METTL8: variants seen among roughly 807,000 people sequenced by gnomAD.
METTL8 encodes the protein tRNA N(3)-cytidine methyltransferase METTL8, mitochondrial.
Under a neutral mutation model 48.7 loss-of-function variants are expected in METTL8, and 32 were observed. That is an observed-to-expected ratio of 0.66 (90% CI 0.50 to 0.88). The LOEUF (loss-of-function observed/expected upper bound fraction) is 0.88, where lower values mean the gene tolerates loss of function less well. METTL8 is among the 40% of genes least tolerant of loss of function. METTL8 has a pLI of 0.00. For synonymous variants in METTL8, 136 were observed against 157.1 expected (o/e 0.87, Z 1.01); for missense variants, 464 against 474.4 (o/e 0.98, Z 0.20).
At position 171,337,503 on chromosome 2, in the gene METTL8, C is replaced by A. The variant is rs774820225; in HGVS notation, c.607-1G>T. The A allele has an allele frequency of 6.2e-7, 1 of 1,603,370 alleles. No homozygotes were observed. On this transcript the variant is annotated splice_acceptor_variant, in intron 4 of 9. Coordinates refer to ENST00000375258, the MANE Select transcript of METTL8 (RefSeq NM_001321154.2). LOFTEE classifies it high-confidence loss of function. ...CACTATTTCCAGCTCCACAACCAAC[C>A]TAAAATCAAAAGAACAAGCAAATAT...
intron 3 of METTL8, among the ~76,000 whole-genome samples, chr2:171,347,523 C>A (rs1317458969): frequency 6.6e-6 from 1 of 152,050 alleles, no homozygotes; most frequent in African/African-American, 2.4e-5. Flanking sequence ...TGGAAATATT[C>A]AAAATAGGGC....
In METTL8 at chr2:171,415,355, T is replaced by C. The variant is rs1691204844; in HGVS notation, c.-13+18528A>G. ...TCTTAATATATCTCGAAATCTTTTTTTTTTTTTTTTTTTTTTTGACAGAGT... is the reference window on the plus strand; with the variant it reads ...TCTTAATATATCTCGAAATCTTTTTCTTTTTTTTTTTTTTTTTGACAGAGT... On this transcript the variant is annotated intron_variant, in intron 1 of 9. Coordinates refer to ENST00000375258, the MANE Select transcript of METTL8 (RefSeq NM_001321154.2). 5.8e-5 allele frequency among the ~76,000 whole-genome samples: 8 copies of C among 138,554 alleles called. No homozygotes were observed. In the South Asian group the frequency reaches 1.6e-3, roughly 28 times the overall value. The allele number at this position is 138,554 out of a possible 152,430, so 90.9% of individuals were successfully genotyped here.
upstream of METTL8, chr2:171,434,389 G>C (rs1025788507): frequency 1.0e-6 from 1 of 977,310 alleles, no homozygotes; most frequent in Non-Finnish European, 1.6e-6. Flanking sequence ...CTCTGGCGGT[G>C]CAAGCGGCTC....
intron 2 of METTL8, among the ~76,000 whole-genome samples, chr2:171,367,591 G>C (rs138630173): frequency 1.8e-4 from 27 of 152,254 alleles, no homozygotes; most frequent in African/African-American, 6.5e-4. Flanking sequence ...GTGAAAAAAA[G>C]AGACCAGAAG....
At position 171,380,288 on chromosome 2, in the gene METTL8, T is replaced by C. The variant is rs184747665; in HGVS notation, c.143+11755A>G. The stretch of plus-strand genomic sequence containing the variant: ...CTATTTATGACAAACCCATGGCCAA[T>C]ATTATACTGAATGGGCAAAAGCTGG... On this transcript the variant is annotated intron_variant, in intron 2 of 9. Transcript: ENST00000375258. Among the ~76,000 whole-genome samples, 477 of 152,328 alleles carry C rather than the reference T, an allele frequency of 3.1e-3. 1 individual carries two copies. Among genetic ancestry groups the C allele is most frequent in the Non-Finnish European group, 4.8e-3 (327 of 68,030 alleles).
At chr2:171,431,946 G>A (rs1034750015) in intron 1 of METTL8, among the ~76,000 whole-genome samples, 1 of 152,248 alleles carries the variant, frequency 6.6e-6, no homozygotes, top group African/African-American at 2.4e-5. Context: ...AGTCACTTGT[G>A]ACATGCCTGG....
chr2:171,353,679 G>C (rs1367145656), intron 3 of METTL8, among the ~76,000 whole-genome samples: 1 of 152,172 alleles, frequency 6.6e-6, no homozygotes, highest in Non-Finnish European at 1.5e-5. Flanking sequence ...AGGATAGTTA[G>C]CTCTTCTTGT....
intron 3 of METTL8, among the ~76,000 whole-genome samples, chr2:171,355,652 C>G (rs988869852): frequency 1.4e-4 from 22 of 152,248 alleles, no homozygotes; most frequent in African/African-American, 5.1e-4. Flanking sequence ...TTTACCTACT[C>G]AAGCCTCAGC....
intron 1 of METTL8, among the ~76,000 whole-genome samples, chr2:171,409,665 C>T (rs1367285920): frequency 6.6e-6 from 1 of 152,108 alleles, no homozygotes; most frequent in African/African-American, 2.4e-5. Context: ...AGAAGGCTCT[C>T]GCTTTTCTAA....
At chr2:171,369,671 A>G (rs1193260833) in intron 2 of METTL8, among the ~76,000 whole-genome samples, 1 of 152,236 alleles carries the variant, frequency 6.6e-6, no homozygotes, top group East Asian at 1.9e-4. Flanking sequence ...AGGGGTCCTG[A>G]GACCAAAATG....
chr2:171,427,142 C>G (rs1356593987), intron 1 of METTL8, among the ~76,000 whole-genome samples: 1 of 151,276 alleles, frequency 6.6e-6, no homozygotes. Context: ...TCACTTGATT[C>G]TTTTCTTTTC....
intron 2 of METTL8, among the ~76,000 whole-genome samples, chr2:171,373,332 T>C (rs1357945694): frequency 6.6e-6 from 1 of 152,168 alleles, no homozygotes; most frequent in Non-Finnish European, 1.5e-5. Context: ...GATGGGGTTG[T>C]TTTTTTCTTG....
At chr2:171,419,689 A>T (rs1334355954) in intron 1 of METTL8, among the ~76,000 whole-genome samples, 1 of 152,134 alleles carries the variant, frequency 6.6e-6, no homozygotes, top group East Asian at 1.9e-4. Flanking sequence ...ATACATTTGT[A>T]ATACAGTTAG....
intron 1 of METTL8, among the ~76,000 whole-genome samples, chr2:171,412,581 TAA>T (rs58731347): frequency 9.7e-5 from 14 of 144,874 alleles, no homozygotes; most frequent in Admixed American, 6.2e-4. Flanking sequence ...TTATTTGCCT[TAA>T]AAAAAAAAAA....
intron 2 of METTL8, chr2:171,375,242 T>A: frequency 5.0e-6 from 6 of 1,198,936 alleles, no homozygotes; most frequent in Non-Finnish European, 7.4e-6. Flanking sequence ...CCGCGGCCCT[T>A]TTTGGCATGA....
chr2:171,332,057 A>G (rs1164229515), intron 5 of METTL8, 190 bp from the exon 6 acceptor site: 1 of 472,858 alleles, frequency 2.1e-6, no homozygotes, highest in Non-Finnish European at 3.9e-6. Flanking sequence ...AGCTAATTTT[A>G]GATTTTTTTG....
intron 2 of METTL8, among the ~76,000 whole-genome samples, chr2:171,364,387 TTA>T (rs1465266427): frequency 1.3e-5 from 2 of 152,170 alleles, no homozygotes; most frequent in East Asian, 3.9e-4. Context: ...AAGAAGGAAG[TTA>T]TGTTTTCTTA....
intron 1 of METTL8, among the ~76,000 whole-genome samples, chr2:171,410,519 T>C (rs886265606): frequency 5.9e-5 from 9 of 152,250 alleles, no homozygotes; most frequent in Admixed American, 3.3e-4. Context: ...GTACTAATGT[T>C]GTTTAGCTAA....
At chr2:171,419,509 T>TA (rs1186798699) in intron 1 of METTL8, among the ~76,000 whole-genome samples, 2 of 152,154 alleles carry the variant, frequency 1.3e-5, no homozygotes, top group South Asian at 4.1e-4. Flanking sequence ...TCGATTCTAG[T>TA]ACACCTGTAT....
Sources: gnomAD v4.1 joint callset for allele counts (sites outside exome capture counted in the v4.1 genomes callset) on GRCh38, gnomAD v4.1.1 for gene constraint, MANE v1.5 for transcripts, NCBI Gene and HGNC (gene_info 2026-07-23, HGNC 2026-07-21) for gene names.